Variants in CMA1 observed in about 807,000 individuals in gnomAD.
CMA1 encodes chymase 1.
In CMA1, 24 loss-of-function variants were observed where a neutral mutation model predicts 18.8. That is an observed-to-expected ratio of 1.28 (90% CI 0.92 to 1.80). The LOEUF is 1.80. Ranked by LOEUF, CMA1 falls within the 40% of genes most tolerant of loss-of-function variation. CMA1 has a pLI of 0.00. For synonymous variants in CMA1, 152 were observed against 117.0 expected (o/e 1.30, Z -1.93); for missense variants, 421 against 302.8 (o/e 1.39, Z -2.90).
At chr14:24,507,929 T>C (rs1439431612) in intron 1 of CMA1, among the ~76,000 whole-genome samples, 1 of 150,310 alleles carries the variant, frequency 6.7e-6, no homozygotes, top group Non-Finnish European at 1.5e-5. Flanking sequence ...CCCTTTTCCT[T>C]CCACTTGCTC....
Position 24,506,075 on chromosome 14 carries a change from G to A in CMA1, c.553C>T (p.Leu185Phe). ...CTGGGATTGCCCACACACAGCTGAA[G>A]ATTGTGGTCAAAGTCTCTGAAGTGG... is the stretch of plus-strand genomic sequence containing the variant. ...CSHFRDFDHN[L>F]QLCVGNPRKT... The change falls in exon 4 of 5, where the codon CTT becomes TTT. Residue 185 changes from leucine to phenylalanine, a missense_variant. By Grantham distance (22) the Leu-to-Phe change is conservative. Coordinates refer to ENST00000250378, the MANE Select transcript of CMA1 (RefSeq NM_001836.5). 6 of 1,614,232 alleles carry A rather than the reference G, an allele frequency of 3.7e-6. No homozygotes were observed. The highest frequency in any genetic ancestry group is 5.1e-6 in the Non-Finnish European group (6 of 1,180,040).
At chr14:24,508,116 TA>T (rs759978072) in intron 1 of CMA1, 61 bp downstream of exon 1, 89 of 1,492,166 alleles carry the variant, frequency 6.0e-5, no homozygotes, top group Admixed American at 1.5e-4. Flanking sequence ...ATTTTCAGAC[TA>T]AACATCTTTG....
intron 1 of CMA1, among the ~76,000 whole-genome samples, chr14:24,507,754 C>G (rs958202723): frequency 2.6e-5 from 4 of 152,154 alleles, no homozygotes; most frequent in Non-Finnish European, 4.4e-5. Context: ...CCCACCTTGC[C>G]CTGGCCCACC....
intron 2 of CMA1, 68 bp downstream of exon 2, chr14:24,507,288 G>A (rs1364892427): frequency 4.4e-6 from 7 of 1,574,880 alleles, no homozygotes; most frequent in Admixed American, 1.7e-5. Context: ...CCCAGTGCAG[G>A]TGTATTCCTG....
chr14:24,507,609 C>A, intron 1 of CMA1, 103 bp from the exon 2 acceptor site: 1 of 1,368,038 alleles, frequency 7.3e-7, no homozygotes, highest in Non-Finnish European at 1.0e-6. Flanking sequence ...GAATCTCATT[C>A]TCACCCTGTG....
chr14:24,507,919 C>A (rs1041418248), intron 1 of CMA1, among the ~76,000 whole-genome samples: 2 of 151,890 alleles, frequency 1.3e-5, no homozygotes, highest in African/African-American at 4.8e-5. Flanking sequence ...CTGGGGATAC[C>A]CCTTTTCCTT....
chr14:24,505,359 T>A lies in CMA1; in HGVS notation c.*157A>T. 1 of 875,908 alleles carries A rather than the reference T, an allele frequency of 1.1e-6. No individual in the cohort carries two copies. Among genetic ancestry groups the A allele is most frequent in the Non-Finnish European group, 1.8e-6 (1 of 554,320 alleles). The allele number at this position is 875,908 out of a possible 1,614,324, so 54.3% of individuals were successfully genotyped here. On this transcript the variant is annotated 3_prime_UTR_variant, in exon 5 of 5. Coordinates refer to ENST00000250378, the MANE Select transcript of CMA1 (RefSeq NM_001836.5). ...CACACTCACGACTAGAAGCTGTGTC[T>A]TCACTGAGGTTTATTGAGAGTTCTG...
Position 24,508,086 on chromosome 14 carries a change from A to C in CMA1, c.58+92T>G, listed in dbSNP as rs1555334625. ...GGGACTCTTGAAGAGAGATCTTGGAACCCTGTTTAGGAGTCAGCTATTTTC... is the reference window on the plus strand; with the variant it reads ...GGGACTCTTGAAGAGAGATCTTGGACCCCTGTTTAGGAGTCAGCTATTTTC... On this transcript the variant is annotated intron_variant, in intron 1 of 4. Transcript: ENST00000250378. The C allele has an allele frequency of 5.6e-6, 7 of 1,240,678 alleles. No individual in the cohort carries two copies. The South Asian group carries it at 9.0e-5, about 16-fold the overall frequency. 76.9% of individuals were successfully genotyped at this position (1,240,678 alleles called of 1,614,324 possible). A position where few individuals can be genotyped will look rare whatever the true frequency, so the allele number is the denominator to read the frequency against.
chr14:24,506,685 GA>G, intron 2 of CMA1, 81 bp from the exon 3 acceptor site: 2 of 1,547,058 alleles, frequency 1.3e-6, no homozygotes, highest in Non-Finnish European at 1.8e-6. Flanking sequence ...TCTGAGAAAA[GA>G]GGACTAAACT....
chr14:24,508,240 C>T lies in CMA1; in HGVS notation c.-5G>A. 1 of 1,612,646 alleles carries T rather than the reference C, an allele frequency of 6.2e-7. No individual in the cohort carries two copies. Among genetic ancestry groups the T allele is most frequent in the Non-Finnish European group, 8.5e-7 (1 of 1,179,472 alleles). The stretch of plus-strand genomic sequence containing the variant: ...GGGGAGAGGAAGAAGCAGCATCTTC[C>T]CAGAGAGGCTGCCTGAGCAAATGCT... On this transcript the variant is annotated 5_prime_UTR_variant, in exon 1 of 5. Transcript: ENST00000250378.
Position 24,506,289 on chromosome 14 carries a change from A to C in CMA1, c.346-7T>G. 1 of 1,613,066 alleles carries C rather than the reference A, an allele frequency of 6.2e-7. No individual in the cohort carries two copies. The highest frequency in any genetic ancestry group is 2.2e-5 in the East Asian group (1 of 44,858). On this transcript the variant is annotated splice_polypyrimidine_tract_variant and splice_region_variant and intron_variant, in intron 3 of 4. Transcript: ENST00000250378. ...GGCTGGCTTTCTCCTTCAACTGTGA[A>C]GGGAATGAAGGACTGTCAGTCCTCG...
chr14:24,507,130 C>T (rs1566532667), intron 2 of CMA1, among the ~76,000 whole-genome samples: 1 of 152,118 alleles, frequency 6.6e-6, no homozygotes, highest in Non-Finnish European at 1.5e-5. Context: ...ACAAGAGGGA[C>T]CTTGGACAGG....
At chr14:24,506,306 C>G (rs765696007) in intron 3 of CMA1, 24 bp from the exon 4 acceptor site, 1 of 1,609,176 alleles carries the variant, frequency 6.2e-7, no homozygotes, top group African/African-American at 1.3e-5. Flanking sequence ...GAAGGACTGT[C>G]AGTCCTCGAA....
chr14:24,508,115 C>A (rs1281038231), intron 1 of CMA1, 63 bp downstream of exon 1: 3 of 1,488,702 alleles, frequency 2.0e-6, no homozygotes, highest in Non-Finnish European at 2.8e-6. Context: ...TATTTTCAGA[C>A]TAAACATCTT....
intron 3 of CMA1, 42 bp from the exon 4 acceptor site, chr14:24,506,324 C>T: frequency 6.2e-7 from 1 of 1,604,768 alleles, no homozygotes; most frequent in South Asian, 1.1e-5. Flanking sequence ...GAAATGGGCT[C>T]TGGACAGTTG....
intron 4 of CMA1, 108 bp from the exon 5 acceptor site, chr14:24,505,767 G>C (rs2138396809): frequency 7.3e-7 from 1 of 1,370,894 alleles, no homozygotes; most frequent in Non-Finnish European, 9.9e-7. Context: ...GCAGGAGGTG[G>C]AGCTCCTCAC....
intron 2 of CMA1, 67 bp from the exon 3 acceptor site, chr14:24,506,671 T>C: frequency 6.4e-7 from 1 of 1,571,190 alleles, no homozygotes; most frequent in South Asian, 1.2e-5. Context: ...TGAGGTGAGC[T>C]CATTCTGAGA....
At chr14:24,505,927 A>G in intron 4 of CMA1, 101 bp downstream of exon 4, 1 of 1,468,540 alleles carries the variant, frequency 6.8e-7, no homozygotes, top group Non-Finnish European at 9.3e-7. Context: ...TGTGATGCTC[A>G]CCCTGTCACT....
At position 24,505,574 on chromosome 14, in the gene CMA1, A is replaced by G. The variant is rs775834473; in HGVS notation, c.686T>C (p.Val229Ala). The G allele has an allele frequency of 6.2e-7, 1 of 1,614,036 alleles. No individual in the cohort carries two copies. Among genetic ancestry groups the G allele is most frequent in the South Asian group, 1.1e-5 (1 of 91,064 alleles). The change falls in exon 5 of 5, where the codon GTC (valine) becomes GCC (alanine). Residue 229 changes from valine to alanine, a missense_variant. Physicochemically the swap from Val to Ala is moderately conservative, Grantham distance 64. Coordinates refer to ENST00000250378, the MANE Select transcript of CMA1 (RefSeq NM_001836.5). ...CCGGTAATGGGAGATTCGGGTGAAG[A>G]CAGCAGGGGGCTTTGCATCCGACCG... The part of the protein sequence containing the change: ...YGRSDAKPPA[V>A]FTRISHYRPW...
Sources: allele counts gnomAD v4.1 joint callset (sites outside exome capture counted in the v4.1 genomes callset), GRCh38; gene constraint gnomAD v4.1.1; transcripts MANE v1.5; gene names NCBI Gene and HGNC (gene_info 2026-07-23, HGNC 2026-07-21).